Variants in CSMD2 observed in about 807,000 individuals in gnomAD.
CSMD2 encodes the protein CUB and sushi domain-containing protein 2.
Under a neutral mutation model 398.5 loss-of-function variants are expected in CSMD2, and 130 were observed. That is an observed-to-expected ratio of 0.33 (90% confidence interval 0.28 to 0.38). CSMD2 has a LOEUF of 0.38. Among genes scored for constraint, CSMD2 ranks in the 10% least tolerant of loss-of-function variants. The pLI is 1.00. For missense variants in CSMD2, 3,829 were observed against 4,764.9 expected (o/e 0.80, Z 5.78); for synonymous variants, 1,828 against 1,908.5 (o/e 0.96, Z 1.10).
intron 3 of CSMD2, among the ~76,000 whole-genome samples, chr1:34,031,604 C>T (rs535667295): frequency 6.6e-6 from 1 of 151,882 alleles, no homozygotes; most frequent in South Asian, 2.1e-4. Context: ...TCCCCTATAC[C>T]CCCTGCCACC....
chr1:34,103,463 T>A (rs1660209905), intron 1 of CSMD2, among the ~76,000 whole-genome samples: 1 of 151,884 alleles, frequency 6.6e-6, no homozygotes, highest in South Asian at 2.1e-4. Context: ...CACGCCCAGC[T>A]AATTTTTCAC....
At chr1:33,979,130 G>A (rs187916001) in intron 3 of CSMD2, among the ~76,000 whole-genome samples, 1 of 152,268 alleles carries the variant, frequency 6.6e-6, no homozygotes, top group Admixed American at 6.5e-5. Flanking sequence ...TGTCTCACCT[G>A]CTGGTTTACT....
chr1:34,027,170 T>C (rs1649753344), intron 3 of CSMD2, among the ~76,000 whole-genome samples: 1 of 152,110 alleles, frequency 6.6e-6, no homozygotes, highest in Non-Finnish European at 1.5e-5. Context: ...AAAAAGCACT[T>C]ACAAAGAAGA....
rs941361809 is a variant in CSMD2, at chr1:33,633,954, C to G, written c.5087-419G>C. Reference sequence around the variant, plus strand: ...CGTCCCAACGTCAGTTAGTCAGTGTCATTGAGTTGAAAACTGTATACAGAG... The same window carrying G: ...CGTCCCAACGTCAGTTAGTCAGTGTGATTGAGTTGAAAACTGTATACAGAG... On this transcript the variant is annotated intron_variant, in intron 31 of 70. Coordinates refer to ENST00000373381, the MANE Select transcript of CSMD2 (RefSeq NM_001281956.2). The surrounding 1 kb of genome is among the most constrained non-coding windows in gnomAD (Gnocchi z 5.0). Among the ~76,000 whole-genome samples the G allele has an allele frequency of 2.0e-5, 3 of 152,194 alleles. No homozygotes were observed. Among genetic ancestry groups the G allele is most frequent in the African/African-American group, 7.2e-5 (3 of 41,448 alleles).
intron 1 of CSMD2, among the ~76,000 whole-genome samples, chr1:34,114,233 C>T (rs1398627965): frequency 6.6e-6 from 1 of 152,140 alleles, no homozygotes; most frequent in Admixed American, 6.5e-5. Context: ...GCCCCCAGAA[C>T]CTCTAGCTGC....
chr1:33,776,427 A>G (rs1651973176), intron 12 of CSMD2, among the ~76,000 whole-genome samples: 1 of 152,146 alleles, frequency 6.6e-6, no homozygotes. Context: ...CTATTTTCTA[A>G]GTGGAGGAGG....
chr1:33,537,339 C>G lies in CSMD2; in HGVS notation c.9805+97G>C, dbSNP rs1171938850. 7.5e-7 allele frequency: 1 copy of G among 1,341,392 alleles called. No individual in the cohort carries two copies. Among genetic ancestry groups the G allele is most frequent in the Admixed American group, 2.1e-5 (1 of 48,376 alleles). The allele number at this position is 1,341,392 out of a possible 1,614,324, so 83.1% of individuals were successfully genotyped here. Reference sequence around the variant, plus strand: ...GAGATGTTCCCTTTTGCAGATGAGACCACTGAAGACAGGGAAGGAAAGTAA... The same window carrying G: ...GAGATGTTCCCTTTTGCAGATGAGAGCACTGAAGACAGGGAAGGAAAGTAA... On this transcript the variant is annotated intron_variant, in intron 61 of 70. Transcript: ENST00000373381. This position sits in a 1 kb window ranked among gnomAD's most constrained non-coding sequence, Gnocchi z 4.6.
intron 5 of CSMD2, chr1:33,860,542 G>A (rs1047601863): frequency 6.6e-6 from 1 of 152,174 alleles, no homozygotes; most frequent in African/African-American, 2.4e-5. Flanking sequence ...CTATTCATTA[G>A]TAGTGGGTGG....
At chr1:34,052,342 G>A (rs1279724813) in intron 2 of CSMD2, among the ~76,000 whole-genome samples, 1 of 151,942 alleles carries the variant, frequency 6.6e-6, no homozygotes, top group African/African-American at 2.4e-5. Flanking sequence ...ACTGTGTTAG[G>A]TATTGTCAGT....
intron 5 of CSMD2, among the ~76,000 whole-genome samples, chr1:33,881,020 C>T (rs1187146417): frequency 6.6e-6 from 1 of 150,784 alleles, no homozygotes; most frequent in African/African-American, 2.5e-5. Context: ...GTGCTAAACA[C>T]CACAAGGCAA....
chr1:33,596,324 C>A (rs1015529939), intron 44 of CSMD2, among the ~76,000 whole-genome samples: 1 of 152,128 alleles, frequency 6.6e-6, no homozygotes, highest in African/African-American at 2.4e-5. Flanking sequence ...CCTGTGCCAG[C>A]TCCATCCCTG....
intron 13 of CSMD2, among the ~76,000 whole-genome samples, chr1:33,767,694 T>A (rs1298415536): frequency 2.0e-5 from 3 of 152,228 alleles, no homozygotes; most frequent in African/African-American, 7.2e-5. Flanking sequence ...GTATATTGTA[T>A]GTTGGGGGTA....
chr1:33,617,860 A>T lies in CSMD2; in HGVS notation c.5828-243T>A, dbSNP rs147464413. Among the ~76,000 whole-genome samples the T allele has an allele frequency of 4.8e-3, 727 of 152,274 alleles. 7 individuals are homozygous for T. The highest frequency in any genetic ancestry group is 0.031 in the Middle Eastern group (9 of 294). On this transcript the variant is annotated intron_variant, in intron 37 of 70. Coordinates refer to ENST00000373381, the MANE Select transcript of CSMD2 (RefSeq NM_001281956.2). ...TCCTTGAGAAGGTGGGTGTGATCCC[A>T]GGGGATGCTGGCTGTCCTGTCCACT...
intron 3 of CSMD2, among the ~76,000 whole-genome samples, chr1:33,955,351 A>G (rs570885524): frequency 1.6e-4 from 24 of 152,200 alleles, no homozygotes; most frequent in Non-Finnish European, 3.2e-4. Context: ...GAGGCTGAGC[A>G]TGGAGCATCC....
At chr1:33,740,033 C>A (rs1262088156) in intron 14 of CSMD2, among the ~76,000 whole-genome samples, 1 of 152,120 alleles carries the variant, frequency 6.6e-6, no homozygotes, top group East Asian at 1.9e-4. Context: ...AGTTTCCTGA[C>A]TGATAATATG....
chr1:33,909,683 G>T (rs1449399638), intron 5 of CSMD2, among the ~76,000 whole-genome samples: 1 of 152,144 alleles, frequency 6.6e-6, no homozygotes, highest in African/African-American at 2.4e-5. Flanking sequence ...TTTTCCCTAT[G>T]AAAGACGATG....
chr1:33,525,645 T>C (rs1654702058), intron 65 of CSMD2, among the ~76,000 whole-genome samples: 1 of 152,322 alleles, frequency 6.6e-6, no homozygotes, highest in South Asian at 2.1e-4. Context: ...ATAGTGACTA[T>C]AGTTAATAAG....
At chr1:33,538,354 T>C (rs983643074) in intron 60 of CSMD2, among the ~76,000 whole-genome samples, 1 of 152,206 alleles carries the variant, frequency 6.6e-6, no homozygotes, top group Non-Finnish European at 1.5e-5. Flanking sequence ...GGTGTACCCA[T>C]TTCATTCAGG....
intron 5 of CSMD2, among the ~76,000 whole-genome samples, chr1:33,848,148 G>C (rs1435860046): frequency 6.6e-6 from 1 of 152,138 alleles, no homozygotes; most frequent in Non-Finnish European, 1.5e-5. Context: ...CAAACTCTTG[G>C]AACTATAAAG....
Sources: allele counts gnomAD v4.1 joint callset (sites outside exome capture counted in the v4.1 genomes callset), GRCh38; gene constraint gnomAD v4.1.1; non-coding constraint Gnocchi (gnomAD v3.1); transcripts MANE v1.5; gene names NCBI Gene and HGNC (gene_info 2026-07-23, HGNC 2026-07-21).